ABCD3: variants seen among roughly 807,000 people sequenced by gnomAD.
ABCD3 encodes the protein ATP-binding cassette sub-family D member 3.
ABCD3 carries 41 observed loss-of-function variants against 105.5 expected under a neutral mutation model. The ratio of observed to expected loss-of-function variants is 0.39; its 90% confidence interval spans 0.30 to 0.50. The LOEUF (loss-of-function observed/expected upper bound fraction) is 0.50, where lower values mean the gene tolerates loss of function less well. ABCD3 is among the 20% of genes least tolerant of loss of function. ABCD3 has a pLI of 0.84. For synonymous variants in ABCD3, 258 were observed against 269.0 expected, an observed-to-expected ratio of 0.96 and a Z score of 0.40; for missense variants, 622 against 806.3, an observed-to-expected ratio of 0.77 and a Z score of 2.77.
At chr1:94,404,631 A>G in the ABCD3 span, among the ~76,000 whole-genome samples, 5 of 152,098 alleles carry the variant, frequency 3.3e-5, no homozygotes, top group Non-Finnish European at 7.4e-5. Context: ...ACTCTTTTAC[A>G]TCCCTTCCAT....
At chr1:94,399,704 T>C in the ABCD3 span, among the ~76,000 whole-genome samples, 1 of 152,140 alleles carries the variant, frequency 6.6e-6, no homozygotes, top group African/African-American at 2.4e-5. Context: ...CATGGATAAC[T>C]TGTAACAATC....
At chr1:94,464,685 G>A in intron 2 of ABCD3, 90 bp from the exon 3 acceptor site, 1 of 1,138,122 alleles carries the variant, frequency 8.8e-7, no homozygotes, top group Non-Finnish European at 1.3e-6. Flanking sequence ...CTTGATAGCT[G>A]TTTATGTTGA....
intron 8 of ABCD3, 66 bp from the exon 9 acceptor site, chr1:94,480,398 T>G (rs1648976918): frequency 6.3e-7 from 1 of 1,585,230 alleles, no homozygotes; most frequent in Admixed American, 1.7e-5. Flanking sequence ...TGTACATGTT[T>G]GTATCTAAGT....
At chr1:94,425,216 C>A (rs1479570812) in intron 1 of ABCD3, among the ~76,000 whole-genome samples, 1 of 152,114 alleles carries the variant, frequency 6.6e-6, no homozygotes, top group African/African-American at 2.4e-5. Context: ...AATTAAAAAT[C>A]ATCCATAATG....
chr1:94,430,879 A>G (rs1659646722), intron 1 of ABCD3, among the ~76,000 whole-genome samples: 1 of 152,342 alleles, frequency 6.6e-6, no homozygotes, highest in South Asian at 2.1e-4. Flanking sequence ...AAAGTTAAAT[A>G]TACACCATGG....
chr1:94,517,626 A>G lies in ABCD3; in HGVS notation c.*497A>G, dbSNP rs1409547015. 1.2e-5 allele frequency: 2 copies of G among 168,848 alleles called. No individual in the cohort carries two copies. The highest frequency in any genetic ancestry group is 2.4e-5 in the African/African-American group (1 of 41,512). The allele number at this position is 168,848 out of a possible 1,614,324, so 10.5% of individuals were successfully genotyped here. Reference sequence around the variant, plus strand: ...TTTAAATGTTTAACATCATTGCATAACAGCGTTTATTATACAGTGGCAGAT... The same window carrying G: ...TTTAAATGTTTAACATCATTGCATAGCAGCGTTTATTATACAGTGGCAGAT... On this transcript the variant is annotated 3_prime_UTR_variant, in exon 23 of 23. Coordinates refer to ENST00000370214, the MANE Select transcript of ABCD3 (RefSeq NM_002858.4).
chr1:94,438,287 C>T (rs367785058), intron 1 of ABCD3, among the ~76,000 whole-genome samples: 7 of 130,838 alleles, frequency 5.4e-5, no homozygotes, highest in African/African-American at 2.2e-4. Flanking sequence ...CTCCATCACA[C>T]ACACACACAC....
At chr1:94,395,375 G>A in the ABCD3 span, among the ~76,000 whole-genome samples, 1 of 152,158 alleles carries the variant, frequency 6.6e-6, no homozygotes, top group Non-Finnish European at 1.5e-5. Context: ...ACAGCAGGAG[G>A]CCATTACCAT....
At chr1:94,496,451 TTG>T (rs57988079) in intron 16 of ABCD3, among the ~76,000 whole-genome samples, 95,066 of 149,278 alleles carry the variant, frequency 0.64, 32,029 homozygotes, top group Non-Finnish European at 0.76. Context: ...TGCCATTTCA[TTG>T]TGTGTGTGTG....
In ABCD3 at chr1:94,487,527, T is replaced by C; in HGVS notation, c.898-15T>C. The stretch of plus-strand genomic sequence containing the variant: ...ACAGAGAAAAAGATGGTTTTTTGTT[T>C]TTGTTTTCTGCCAGGTGGAACACCT... On this transcript the variant is annotated splice_polypyrimidine_tract_variant and intron_variant, in intron 10 of 22. Coordinates refer to ENST00000370214, the MANE Select transcript of ABCD3 (RefSeq NM_002858.4). 1 of 1,612,416 alleles carries C rather than the reference T, an allele frequency of 6.2e-7. No individual in the cohort carries two copies. The highest frequency in any genetic ancestry group is 8.5e-7 in the Non-Finnish European group (1 of 1,179,306).
In ABCD3 at chr1:94,477,250, A is replaced by G. The variant is rs1474327300; in HGVS notation, c.628-1009A>G. 5.3e-5 allele frequency among the ~76,000 whole-genome samples: 8 copies of G among 149,866 alleles called. No individual in the cohort carries two copies. The South Asian group carries it at 1.7e-3, about 31-fold the overall frequency. Reference sequence around the variant, plus strand: ...GGCAAAAAAAAAAAAAAAAAAAAAAAAAAAAGGAAAGGGAAAGGTAGATGT... The same window carrying G: ...GGCAAAAAAAAAAAAAAAAAAAAAAGAAAAAGGAAAGGGAAAGGTAGATGT... On this transcript the variant is annotated intron_variant, in intron 7 of 22. Transcript: ENST00000370214.
chr1:94,389,729 T>C, the ABCD3 span, among the ~76,000 whole-genome samples: 1 of 152,188 alleles, frequency 6.6e-6, no homozygotes, highest in South Asian at 2.1e-4. Context: ...GCCCCTGGGT[T>C]AGGGTGTCCC....
In ABCD3 at chr1:94,435,743, T is replaced by G. The variant is rs114449600; in HGVS notation, c.110+17155T>G. ...TAGTAGTTGTACCTAGTGGTGCAGT[T>G]CAATTAGGAAAAGTTGGATATTTGC... is the stretch of plus-strand genomic sequence containing the variant. On this transcript the variant is annotated intron_variant, in intron 1 of 22. Coordinates refer to ENST00000370214, the MANE Select transcript of ABCD3 (RefSeq NM_002858.4). Among the ~76,000 whole-genome samples, 1,128 of 152,352 alleles carry G rather than the reference T, an allele frequency of 7.4e-3. 6 individuals carry two copies. The highest frequency in any genetic ancestry group is 0.024 in the Middle Eastern group (7 of 294).
chr1:94,490,211 A>G (rs906891474), intron 15 of ABCD3, among the ~76,000 whole-genome samples: 7 of 151,994 alleles, frequency 4.6e-5, no homozygotes, highest in African/African-American at 1.2e-4. Flanking sequence ...TAATTTACCT[A>G]TCGCCTCTAC....
At position 94,478,325 on chromosome 1, in the gene ABCD3, C is replaced by T; in HGVS notation, c.684+10C>T. 1 of 1,589,978 alleles carries T rather than the reference C, an allele frequency of 6.3e-7. No homozygotes were observed. ...TGCAATTGGAGCTCAGGTGAGTCTG[C>T]TTTTATTTCAACTTTTAAATTGATA... On this transcript the variant is annotated intron_variant, in intron 8 of 22. Transcript: ENST00000370214.
chr1:94,407,793 T>C, the ABCD3 span, among the ~76,000 whole-genome samples: 2 of 152,220 alleles, frequency 1.3e-5, no homozygotes, highest in Admixed American at 6.5e-5. Flanking sequence ...TTGTATGGCC[T>C]GCAAGCTAAG....
the ABCD3 span, among the ~76,000 whole-genome samples, chr1:94,405,744 T>C: frequency 6.6e-6 from 1 of 152,188 alleles, no homozygotes; most frequent in Non-Finnish European, 1.5e-5. Context: ...TTGTAAATTG[T>C]CTGTTCTTGT....
intron 1 of ABCD3, among the ~76,000 whole-genome samples, chr1:94,435,836 T>A (rs985860759): frequency 2.0e-5 from 3 of 152,176 alleles, no homozygotes; most frequent in African/African-American, 7.2e-5. Context: ...GACCAGTGAG[T>A]TCTTCTTGTC....
intron 21 of ABCD3, among the ~76,000 whole-genome samples, chr1:94,510,768 CT>C (rs1650626003): frequency 1.3e-5 from 2 of 152,034 alleles, no homozygotes; most frequent in Admixed American, 1.3e-4. Flanking sequence ...CTCTTTTGAT[CT>C]TTGTTGGTTT....
Sources: allele counts gnomAD v4.1 joint callset (sites outside exome capture counted in the v4.1 genomes callset), GRCh38; gene constraint gnomAD v4.1.1; transcripts MANE v1.5; gene names NCBI Gene and HGNC (gene_info 2026-07-23, HGNC 2026-07-21).